GALNT13: variants seen among roughly 807,000 people sequenced by gnomAD.
GALNT13 encodes the protein polypeptide N-acetylgalactosaminyltransferase 13.
A neutral mutation model predicts 64.2 loss-of-function variants in GALNT13; 28 were observed. That is an observed-to-expected ratio of 0.44 (90% CI 0.32 to 0.60). The LOEUF is 0.60. Among genes scored for constraint, GALNT13 ranks in the 20% least tolerant of loss-of-function variants. GALNT13 has a pLI of 0.05. For missense variants in GALNT13, 577 were observed against 669.8 expected, an observed-to-expected ratio of 0.86 and a Z score of 1.53; for synonymous variants, 214 against 224.6, an observed-to-expected ratio of 0.95 and a Z score of 0.42.
chr2:154,055,143 C>T (rs1039333784), intron 3 of GALNT13, among the ~76,000 whole-genome samples: 1 of 151,834 alleles, frequency 6.6e-6, no homozygotes, highest in Non-Finnish European at 1.5e-5. Context: ...GAATTTTTGT[C>T]CTATCATTGT....
At chr2:154,031,155 G>T (rs1698311314) in intron 3 of GALNT13, among the ~76,000 whole-genome samples, 1 of 152,160 alleles carries the variant, frequency 6.6e-6, no homozygotes, top group Admixed American at 6.5e-5. Flanking sequence ...GAAGTATTGG[G>T]ATATAGTGTT....
chr2:153,118,349 C>G, the GALNT13 span, among the ~76,000 whole-genome samples: 1 of 152,190 alleles, frequency 6.6e-6, no homozygotes, highest in Admixed American at 6.5e-5. Context: ...CCTTCCTTCC[C>G]AGGGCAACCA....
At chr2:153,424,474 C>T in the GALNT13 span, among the ~76,000 whole-genome samples, 1 of 151,484 alleles carries the variant, frequency 6.6e-6, no homozygotes, top group South Asian at 2.1e-4. Flanking sequence ...AAATGTTTAG[C>T]AAAAGATAAT....
At chr2:153,727,856 G>A in the GALNT13 span, among the ~76,000 whole-genome samples, 7 of 151,796 alleles carry the variant, frequency 4.6e-5, no homozygotes, top group South Asian at 2.1e-4. Flanking sequence ...TTTTAAGCCC[G>A]TATGCATTAG....
the GALNT13 span, among the ~76,000 whole-genome samples, chr2:153,095,481 A>G: frequency 6.6e-6 from 1 of 152,228 alleles, no homozygotes; most frequent in South Asian, 2.1e-4. Context: ...CAATGTGGCA[A>G]TTCCTCAAGG....
At chr2:154,255,994 A>G (rs1283680434) in intron 7 of GALNT13, among the ~76,000 whole-genome samples, 1 of 152,018 alleles carries the variant, frequency 6.6e-6, no homozygotes, top group Non-Finnish European at 1.5e-5. Context: ...TCGAGGCTGC[A>G]GGGAAATCTG....
At position 154,287,042 on chromosome 2, in the gene GALNT13, G is replaced by T; in HGVS notation, c.976-14367G>T. 4 of 660,830 alleles carry T rather than the reference G, an allele frequency of 6.1e-6. 1 individual carries two copies. The highest frequency in any genetic ancestry group is 6.0e-5 in the South Asian group (4 of 67,078). The allele number at this position is 660,830 out of a possible 1,614,324, so 40.9% of individuals were successfully genotyped here. On this transcript the variant is annotated intron_variant, in intron 8 of 12. Coordinates refer to ENST00000392825, the MANE Select transcript of GALNT13 (RefSeq NM_052917.4). The stretch of plus-strand genomic sequence containing the variant: ...AGAGAGCTGGTCTCCAGGCAGGTGA[G>T]TGATGACCTTACAGGTCATCTTTGG...
At chr2:154,113,718 G>A (rs896634762) in intron 3 of GALNT13, among the ~76,000 whole-genome samples, 1 of 152,212 alleles carries the variant, frequency 6.6e-6, no homozygotes, top group African/African-American at 2.4e-5. Context: ...TAATGGACAA[G>A]TGTGATATCT....
At chr2:153,129,011 A>T in the GALNT13 span, among the ~76,000 whole-genome samples, 2 of 152,178 alleles carry the variant, frequency 1.3e-5, no homozygotes, top group African/African-American at 4.8e-5. Flanking sequence ...GTTGGAACAG[A>T]GCCAAACCAT....
intron 9 of GALNT13, among the ~76,000 whole-genome samples, chr2:154,336,602 C>A (rs1464332832): frequency 6.6e-6 from 1 of 151,926 alleles, no homozygotes; most frequent in Non-Finnish European, 1.5e-5. Context: ...ATTCAGAAAT[C>A]CTGGAAAATG....
At chr2:153,488,894 GT>G in the GALNT13 span, among the ~76,000 whole-genome samples, 3 of 152,186 alleles carry the variant, frequency 2.0e-5, no homozygotes, top group Admixed American at 6.5e-5. Flanking sequence ...GACGAAGGGA[GT>G]TTGTCCTCTC....
intron 4 of GALNT13, among the ~76,000 whole-genome samples, chr2:154,222,451 C>A (rs1688371946): frequency 6.6e-6 from 1 of 152,006 alleles, no homozygotes; most frequent in African/African-American, 2.4e-5. Flanking sequence ...GAAAATAAAA[C>A]AAAGTACCTT....
At chr2:153,152,445 G>T in the GALNT13 span, among the ~76,000 whole-genome samples, 1 of 151,686 alleles carries the variant, frequency 6.6e-6, no homozygotes, top group African/African-American at 2.4e-5. Context: ...TAAGTTCAGG[G>T]TACATGTGTA....
chr2:153,963,840 G>T (rs1693129899), intron 3 of GALNT13, among the ~76,000 whole-genome samples: 1 of 146,536 alleles, frequency 6.8e-6, no homozygotes, highest in South Asian at 2.2e-4. Context: ...TTTAAAATTG[G>T]ATTGCCTGTG....
intron 3 of GALNT13, among the ~76,000 whole-genome samples, chr2:154,120,238 G>T (rs1396928969): frequency 6.6e-6 from 1 of 152,052 alleles, no homozygotes; most frequent in African/African-American, 2.4e-5. Flanking sequence ...CTTCTGGTTG[G>T]GCTCTACTAT....
intron 4 of GALNT13, among the ~76,000 whole-genome samples, chr2:154,214,247 T>C (rs1687926769): frequency 6.6e-6 from 1 of 152,208 alleles, no homozygotes; most frequent in African/African-American, 2.4e-5. Flanking sequence ...CATCAAATGC[T>C]GTCCAGTCTT....
At chr2:153,788,132 A>G in the GALNT13 span, among the ~76,000 whole-genome samples, 1 of 152,174 alleles carries the variant, frequency 6.6e-6, no homozygotes, top group Admixed American at 6.5e-5. Context: ...TCCTCAAGAT[A>G]CATAATCATC....
chr2:153,120,600 T>A, the GALNT13 span, among the ~76,000 whole-genome samples: 1 of 152,244 alleles, frequency 6.6e-6, no homozygotes, highest in Non-Finnish European at 1.5e-5. Flanking sequence ...TATGATCAAA[T>A]ATACTTCCTT....
chr2:153,163,218 A>G, the GALNT13 span, among the ~76,000 whole-genome samples: 4 of 152,140 alleles, frequency 2.6e-5, no homozygotes, highest in African/African-American at 9.7e-5. Context: ...AGCCAAGTGC[A>G]TGGTGAGACA....
Sources: allele counts gnomAD v4.1 joint callset (sites outside exome capture counted in the v4.1 genomes callset), GRCh38; gene constraint gnomAD v4.1.1; transcripts MANE v1.5; gene names NCBI Gene and HGNC (gene_info 2026-07-23, HGNC 2026-07-21).